The following CHRNA9 variants were observed in gnomAD, a reference collection of about 807,000 sequenced individuals.
CHRNA9 encodes cholinergic receptor nicotinic alpha 9 subunit.
A neutral mutation model predicts 36.8 loss-of-function variants in CHRNA9; 24 were observed. That is an observed-to-expected ratio of 0.65 (90% CI 0.47 to 0.92). The LOEUF is 0.92. Among genes scored for constraint, CHRNA9 ranks in the 40% least tolerant of loss-of-function variants. The pLI is 0.00. For missense variants in CHRNA9, 610 were observed against 601.2 expected (o/e 1.01, Z -0.15); for synonymous variants, 231 against 231.8 (o/e 1.00, Z 0.03).
At chr4:40,337,170 G>A (rs762487131) in intron 2 of CHRNA9, 40 bp from the exon 3 acceptor site, 32 of 1,596,536 alleles carry the variant, frequency 2.0e-5, no homozygotes, top group Middle Eastern at 3.3e-4. Context: ...AACATTTCAA[G>A]TGTCTGCTAG....
rs562285535 is a variant in CHRNA9, at chr4:40,335,347, C to T, written c.-121C>T. On this transcript the variant is annotated 5_prime_UTR_variant, in exon 1 of 5. Transcript: ENST00000310169. ...GTCCTGCATGCAATGCAAGCCTGAG[C>T]TCTCCCGCCATAAGGCTGCAGCGGT... 7.9e-6 allele frequency: 6 copies of T among 763,494 alleles called. No homozygotes were observed. In the East Asian group the frequency reaches 1.5e-4, roughly 19 times the overall value. 47.3% of individuals were successfully genotyped at this position (763,494 alleles called of 1,614,324 possible).
At chr4:40,337,886 A>C (rs998077619) in intron 3 of CHRNA9, among the ~76,000 whole-genome samples, 1 of 152,166 alleles carries the variant, frequency 6.6e-6, no homozygotes, top group African/African-American at 2.4e-5. Context: ...CCCTGTGTCC[A>C]AATTTCCCCT....
intron 3 of CHRNA9, among the ~76,000 whole-genome samples, chr4:40,342,737 A>C (rs1480313506): frequency 1.3e-5 from 2 of 152,160 alleles, no homozygotes; most frequent in African/African-American, 4.8e-5. Context: ...TTTTGAAAGC[A>C]GTGTGTGGAA....
chr4:40,345,331 C>T (rs760585284), intron 3 of CHRNA9, among the ~76,000 whole-genome samples: 18 of 151,886 alleles, frequency 1.2e-4, no homozygotes, highest in South Asian at 4.2e-4. Context: ...GTAGGAGGAT[C>T]GTATGAGGCC....
intron 3 of CHRNA9, among the ~76,000 whole-genome samples, chr4:40,341,150 T>C (rs1467384232): frequency 6.6e-6 from 1 of 152,114 alleles, no homozygotes; most frequent in East Asian, 1.9e-4. Flanking sequence ...TTAGTATTAG[T>C]ATATGGTTAG....
intron 2 of CHRNA9, among the ~76,000 whole-genome samples, chr4:40,336,625 C>A (rs28667760): frequency 3.0e-4 from 45 of 151,288 alleles, no homozygotes; most frequent in African/African-American, 1.1e-3. Flanking sequence ...TACAGGCACC[C>A]GCCACCACAC....
intron 3 of CHRNA9, among the ~76,000 whole-genome samples, chr4:40,342,459 C>T (rs1291405962): frequency 1.3e-5 from 2 of 152,076 alleles, no homozygotes; most frequent in African/African-American, 4.8e-5. Context: ...TTGAAAAAAC[C>T]TCTACATTTA....
In CHRNA9 at chr4:40,354,319, G is replaced by A. The variant is rs777050492; in HGVS notation, c.1239G>A (p.Glu413=). 2.5e-6 allele frequency: 4 copies of A among 1,614,152 alleles called. No individual in the cohort carries two copies. The highest frequency in any genetic ancestry group is 3.4e-6 in the Non-Finnish European group (4 of 1,179,994). Residue 413 remains glutamate (E), a synonymous_variant, in exon 5 of 5, where the codon GAG becomes GAA. Coordinates refer to ENST00000310169, the MANE Select transcript of CHRNA9 (RefSeq NM_017581.4). ...GCTGCCAGGGTAAGAACCCTCAGGA[G>A]GCCGAGAGTTACTGTGCACAGTACA... ...DLGCQGKNPQ[E]AESYCAQYKV... is the part of the protein sequence containing the mutation.
chr4:40,344,695 T>A (rs1712588716), intron 3 of CHRNA9, among the ~76,000 whole-genome samples: 1 of 152,196 alleles, frequency 6.6e-6, no homozygotes, highest in East Asian at 1.9e-4. Flanking sequence ...CCTAAGGTTA[T>A]GAAACTTGAA....
At position 40,354,674 on chromosome 4, in the gene CHRNA9, G is replaced by C. The variant is rs1265068987; in HGVS notation, c.*154G>C. On this transcript the variant is annotated 3_prime_UTR_variant, in exon 5 of 5. Coordinates refer to ENST00000310169, the MANE Select transcript of CHRNA9 (RefSeq NM_017581.4). ...CTTCAAATGAATGTCGAAGCTATCTGCTCTGTTAAATTAAGCAGAAGAACC... is the reference window on the plus strand; with the variant it reads ...CTTCAAATGAATGTCGAAGCTATCTCCTCTGTTAAATTAAGCAGAAGAACC... 2.0e-5 allele frequency: 14 copies of C among 686,348 alleles called. No homozygotes were observed. In the East Asian group the frequency reaches 3.6e-4, roughly 18 times the overall value. The allele number at this position is 686,348 out of a possible 1,614,324, so 42.5% of individuals were successfully genotyped here. A position where few individuals can be genotyped will look rare whatever the true frequency, so the allele number is the denominator to read the frequency against.
At chr4:40,342,996 T>C (rs1560316484) in intron 3 of CHRNA9, among the ~76,000 whole-genome samples, 1 of 151,998 alleles carries the variant, frequency 6.6e-6, no homozygotes, top group African/African-American at 2.4e-5. Flanking sequence ...ACATTGGAGA[T>C]GGAACGAGGA....
chr4:40,349,383 C>T lies in CHRNA9; in HGVS notation c.867C>T (p.Ile289=). 2.5e-6 allele frequency: 4 copies of T among 1,613,796 alleles called. No homozygotes were observed. Among genetic ancestry groups the T allele is most frequent in the Non-Finnish European group, 3.4e-6 (4 of 1,179,780 alleles). ...MTVFQLMVAE[I]MPASENVPLI... Reference sequence around the variant, plus strand: ...TATTTCAGCTAATGGTGGCAGAAATCATGCCGGCCTCAGAAAATGTGCCCC... The same window carrying T: ...TATTTCAGCTAATGGTGGCAGAAATTATGCCGGCCTCAGAAAATGTGCCCC... The change falls in exon 4 of 5, where the codon ATC becomes ATT. Residue 289 remains isoleucine (I), a synonymous_variant. Coordinates refer to ENST00000310169, the MANE Select transcript of CHRNA9 (RefSeq NM_017581.4).
intron 4 of CHRNA9, among the ~76,000 whole-genome samples, chr4:40,353,638 A>T (rs1712864670): frequency 6.6e-6 from 1 of 152,236 alleles, no homozygotes; most frequent in African/African-American, 2.4e-5. Context: ...CAATGGTCCC[A>T]TAAGATTATA....
Position 40,337,236 on chromosome 4 carries a change from T to C in CHRNA9, c.237T>C (p.Ala79=), listed in dbSNP as rs1421007292. The change falls in exon 3 of 5, where the codon GCT becomes GCC. Residue 79 remains alanine, a synonymous_variant. Coordinates refer to ENST00000310169, the MANE Select transcript of CHRNA9 (RefSeq NM_017581.4). ...ATGAAAGAAACCAAATTCTGACTGC[T>C]TATTTGTGGATCCGCCAAATCTGGC... is the stretch of plus-strand genomic sequence containing the variant. The part of the protein sequence containing the change: ...DMDERNQILT[A]YLWIRQIWHD... 3.1e-6 allele frequency: 5 copies of C among 1,614,214 alleles called. No individual in the cohort carries two copies. In the Admixed American group the frequency reaches 8.3e-5, roughly 27 times the overall value.
At chr4:40,341,032 A>T (rs967005996) in intron 3 of CHRNA9, among the ~76,000 whole-genome samples, 3 of 151,304 alleles carry the variant, frequency 2.0e-5, no homozygotes, top group Admixed American at 2.0e-4. Flanking sequence ...AATTGTCCCA[A>T]GAAATAGTGA....
Position 40,335,399 on chromosome 4 carries a change from G to A in CHRNA9, c.-69G>A. 8.4e-7 allele frequency: 1 copy of A among 1,188,910 alleles called. No homozygotes were observed. The highest frequency in any genetic ancestry group is 1.3e-6 in the Non-Finnish European group (1 of 792,446). 73.6% of individuals were successfully genotyped at this position (1,188,910 alleles called of 1,614,324 possible). ...TGGGCTCCTTGTGCCCAGATCCTTTGTATTCATAGGGGGAAGTGGAAGACC... is the reference window on the plus strand; with the variant it reads ...TGGGCTCCTTGTGCCCAGATCCTTTATATTCATAGGGGGAAGTGGAAGACC... On this transcript the variant is annotated 5_prime_UTR_variant, in exon 1 of 5. Coordinates refer to ENST00000310169, the MANE Select transcript of CHRNA9 (RefSeq NM_017581.4).
chr4:40,351,809 T>G (rs1250957714), intron 4 of CHRNA9, among the ~76,000 whole-genome samples: 1 of 152,254 alleles, frequency 6.6e-6, no homozygotes, highest in Non-Finnish European at 1.5e-5. Flanking sequence ...TGAACTCTTT[T>G]GTATAACTGG....
intron 4 of CHRNA9, 161 bp downstream of exon 4, chr4:40,349,575 T>C (rs1712737975): frequency 3.1e-6 from 2 of 644,810 alleles, no homozygotes; most frequent in Admixed American, 2.9e-5. Flanking sequence ...CATCTTTCAA[T>C]ATAGATGAGC....
rs776821202 is a variant in CHRNA9 at position 40,348,912 on chromosome 4, C to T, written c.396C>T (p.Asn132=). Reference sequence around the variant, plus strand: ...ATGATGAATCTTCAGAGCCTGTGAACACCAATGTGGTCCTGCGGTATGATG... The same window carrying T: ...ATGATGAATCTTCAGAGCCTGTGAATACCAATGTGGTCCTGCGGTATGATG... The part of the protein sequence containing the change: ...KADDESSEPV[N]TNVVLRYDGL... The change falls in exon 4 of 5, where the codon AAC becomes AAT. Residue 132 remains asparagine (N), a synonymous_variant. Coordinates refer to ENST00000310169, the MANE Select transcript of CHRNA9 (RefSeq NM_017581.4). 3.7e-5 allele frequency: 59 copies of T among 1,613,766 alleles called. No individual in the cohort carries two copies. The highest frequency in any genetic ancestry group is 1.6e-4 in the Middle Eastern group (1 of 6,084).
Sources: gnomAD v4.1 joint callset for allele counts (sites outside exome capture counted in the v4.1 genomes callset) on GRCh38, gnomAD v4.1.1 for gene constraint, MANE v1.5 for transcripts, NCBI Gene and HGNC (gene_info 2026-07-23, HGNC 2026-07-21) for gene names.